ARHGAP24: variants seen among roughly 807,000 people sequenced by gnomAD.
ARHGAP24 encodes rho GTPase-activating protein 24.
In ARHGAP24, 50 loss-of-function variants were observed where a neutral mutation model predicts 76.4. That is an observed-to-expected ratio of 0.65 (90% CI 0.52 to 0.83). The LOEUF is 0.83. ARHGAP24 is among the 40% of genes least tolerant of loss of function. The pLI, the probability that ARHGAP24 is intolerant of heterozygous loss-of-function variation, is 0.00. For missense variants in ARHGAP24, 930 were observed against 914.2 expected (o/e 1.02, Z -0.22); for synonymous variants, 345 against 323.3 (o/e 1.07, Z -0.72).
At chr4:85,856,269 A>G (rs1378089842) in intron 3 of ARHGAP24, among the ~76,000 whole-genome samples, 1 of 152,042 alleles carries the variant, frequency 6.6e-6, no homozygotes, top group Non-Finnish European at 1.5e-5. Flanking sequence ...CATTTACTTG[A>G]AAATTTGTAT....
intron 3 of ARHGAP24, among the ~76,000 whole-genome samples, chr4:85,849,558 C>A (rs545283035): frequency 6.6e-6 from 1 of 152,108 alleles, no homozygotes; most frequent in Non-Finnish European, 1.5e-5. Flanking sequence ...AGTTTTTGCC[C>A]ATTCAGTATG....
At chr4:85,852,369 T>C (rs1731284841) in intron 3 of ARHGAP24, among the ~76,000 whole-genome samples, 1 of 152,196 alleles carries the variant, frequency 6.6e-6, no homozygotes, top group Non-Finnish European at 1.5e-5. Context: ...TCAAGGTTTT[T>C]AGCTTCCTTG....
chr4:85,979,414 CA>C (rs1213760651), intron 8 of ARHGAP24, among the ~76,000 whole-genome samples: 4 of 152,070 alleles, frequency 2.6e-5, no homozygotes, highest in Admixed American at 6.6e-5. Flanking sequence ...TTGCAGCCAT[CA>C]CCGCCATCCA....
At chr4:85,537,566 A>G (rs1227545662) in intron 1 of ARHGAP24, among the ~76,000 whole-genome samples, 1 of 152,130 alleles carries the variant, frequency 6.6e-6, no homozygotes, top group East Asian at 1.9e-4. Context: ...GTATGTTCTC[A>G]TACAAAAAAA....
chr4:85,642,188 G>A (rs1012120695), intron 2 of ARHGAP24, among the ~76,000 whole-genome samples: 15 of 152,094 alleles, frequency 9.9e-5, no homozygotes, highest in African/African-American at 3.1e-4. Context: ...AAAAGAGCAG[G>A]TTAAAGGTGG....
chr4:85,834,961 AT>A (rs1730183598), intron 3 of ARHGAP24, among the ~76,000 whole-genome samples: 1 of 152,210 alleles, frequency 6.6e-6, no homozygotes, highest in Non-Finnish European at 1.5e-5. Context: ...TAGAAGTGTA[AT>A]GACTAAGTAT....
chr4:85,973,830 A>ATTTTTTTT (rs1578452367), intron 6 of ARHGAP24, among the ~76,000 whole-genome samples: 2 of 36,960 alleles, frequency 5.4e-5, no homozygotes, highest in African/African-American at 1.6e-4. Context: ...ACTGCTGCCT[A>ATTTTTTTT]TTGTTTTTTT....
chr4:85,949,074 A>C (rs1222246665), intron 5 of ARHGAP24, among the ~76,000 whole-genome samples: 1 of 152,168 alleles, frequency 6.6e-6, no homozygotes, highest in Admixed American at 6.5e-5. Flanking sequence ...TGTTCTCTAC[A>C]TTCCAAGTTG....
chr4:85,603,049 C>T (rs1165833024), intron 2 of ARHGAP24, among the ~76,000 whole-genome samples: 1 of 152,052 alleles, frequency 6.6e-6, no homozygotes. Flanking sequence ...TAAAATGTAC[C>T]AGCCAATTTA....
chr4:85,671,982 G>C (rs936313257), intron 2 of ARHGAP24, among the ~76,000 whole-genome samples: 8 of 152,070 alleles, frequency 5.3e-5, no homozygotes, highest in African/African-American at 1.7e-4. Flanking sequence ...TGGGCCCCAA[G>C]CTTTTGAGTG....
chr4:85,894,099 T>TAAAAA (rs11394803), intron 3 of ARHGAP24, among the ~76,000 whole-genome samples: 2,565 of 131,258 alleles, frequency 0.02, 54 homozygotes, highest in African/African-American at 0.043. Flanking sequence ...TAGAGTATAA[T>TAAAAA]AAAAAAAAAA....
At chr4:85,793,541 T>A (rs1408566018) in intron 3 of ARHGAP24, among the ~76,000 whole-genome samples, 1 of 152,138 alleles carries the variant, frequency 6.6e-6, no homozygotes, top group Non-Finnish European at 1.5e-5. Flanking sequence ...TTAGTTCTAT[T>A]TATGGCATCT....
intron 3 of ARHGAP24, among the ~76,000 whole-genome samples, chr4:85,808,778 A>T (rs1248876681): frequency 1.3e-5 from 2 of 152,162 alleles, no homozygotes; most frequent in Admixed American, 1.3e-4. Flanking sequence ...GTCCATATGG[A>T]AGTGATTGTT....
Position 85,930,944 on chromosome 4 carries a change from G to T in ARHGAP24, c.391+7174G>T, listed in dbSNP as rs61758879. ...CAGGCCTGTACGATGCCTGAAGACC[G>T]GAATTCTGGGGGGTGCCCGGCTGGT... On this transcript the variant is annotated intron_variant, in intron 4 of 9. Coordinates refer to ENST00000395184, the MANE Select transcript of ARHGAP24 (RefSeq NM_001025616.3). The T allele has an allele frequency of 0.011, 17,408 of 1,613,868 alleles. 413 individuals are homozygous for T. The East Asian group carries it at 0.11, about 10-fold the overall frequency.
rs1415278964 is a variant in ARHGAP24, at chr4:85,588,374, T to C, written c.180+17653T>C. 2.0e-5 allele frequency among the ~76,000 whole-genome samples: 3 copies of C among 152,230 alleles called. No individual in the cohort carries two copies. In the East Asian group the frequency reaches 5.8e-4, roughly 29 times the overall value. ...AGCATGTTTCATGCCTTTCTGCCCT[T>C]CCATGATTCCCTTCTTCATTCTCTG... On this transcript the variant is annotated intron_variant, in intron 2 of 9. Transcript: ENST00000395184.
At chr4:85,581,775 T>A (rs1302222145) in intron 2 of ARHGAP24, among the ~76,000 whole-genome samples, 2 of 152,122 alleles carry the variant, frequency 1.3e-5, no homozygotes, top group African/African-American at 4.8e-5. Context: ...CAGTTACATT[T>A]TCTCTAGATT....
At chr4:85,535,841 T>A (rs1725447397) in intron 1 of ARHGAP24, among the ~76,000 whole-genome samples, 1 of 152,130 alleles carries the variant, frequency 6.6e-6, no homozygotes, top group African/African-American at 2.4e-5. Context: ...CTTGGAAGAG[T>A]AAAATTGCTA....
chr4:85,536,893 G>A (rs931511764), intron 1 of ARHGAP24, among the ~76,000 whole-genome samples: 1 of 152,028 alleles, frequency 6.6e-6, no homozygotes, highest in Non-Finnish European at 1.5e-5. Flanking sequence ...TAGGTCATAG[G>A]TGATTTTATA....
At chr4:85,842,043 G>A (rs180981919) in intron 3 of ARHGAP24, among the ~76,000 whole-genome samples, 111 of 152,230 alleles carry the variant, frequency 7.3e-4, no homozygotes, top group Non-Finnish European at 1.8e-4. Context: ...AGAAGTTATT[G>A]CCTGTTGAAT....
Sources: allele counts gnomAD v4.1 joint callset (sites outside exome capture counted in the v4.1 genomes callset), GRCh38; gene constraint gnomAD v4.1.1; transcripts MANE v1.5; gene names NCBI Gene and HGNC (gene_info 2026-07-23, HGNC 2026-07-21).